Variants in LRP1B observed in about 807,000 individuals in gnomAD.
LRP1B encodes the protein low-density lipoprotein receptor-related protein 1B.
A neutral mutation model predicts 556.6 loss-of-function variants in LRP1B; 217 were observed. The ratio of observed to expected loss-of-function variants is 0.39; its 90% CI spans 0.35 to 0.44. The LOEUF (loss-of-function observed/expected upper bound fraction) is 0.44. Among genes scored for constraint, LRP1B ranks in the 20% least tolerant of loss-of-function variants. LRP1B has a pLI of 1.00. For missense variants in LRP1B, 5,053 were observed against 5,620.8 expected, an observed-to-expected ratio of 0.90 and a Z score of 3.23; for synonymous variants, 2,047 against 1,865.8, an observed-to-expected ratio of 1.10 and a Z score of -2.50.
At chr2:141,694,143 A>C (rs529478592) in intron 2 of LRP1B, among the ~76,000 whole-genome samples, 20 of 151,786 alleles carry the variant, frequency 1.3e-4, no homozygotes, top group East Asian at 3.9e-4. Flanking sequence ...CTCTCCCTCT[A>C]CCTCTACCTC....
chr2:140,286,627 T>C (rs1333052120), intron 84 of LRP1B, among the ~76,000 whole-genome samples: 1 of 151,868 alleles, frequency 6.6e-6, no homozygotes, highest in Non-Finnish European at 1.5e-5. Context: ...ATAAAACTAT[T>C]TTCGTCAGTG....
At chr2:141,963,592 T>A (rs1318073596) in intron 1 of LRP1B, among the ~76,000 whole-genome samples, 2 of 151,696 alleles carry the variant, frequency 1.3e-5, no homozygotes, top group African/African-American at 2.4e-5. Flanking sequence ...TGGGTCGTAT[T>A]TCAAAATAAT....
At chr2:141,146,918 T>C (rs949862888) in intron 7 of LRP1B, among the ~76,000 whole-genome samples, 4 of 152,152 alleles carry the variant, frequency 2.6e-5, no homozygotes, top group African/African-American at 9.7e-5. Flanking sequence ...CCACCACTGT[T>C]ACAAGAAAGA....
intron 2 of LRP1B, among the ~76,000 whole-genome samples, chr2:141,712,836 ATTTTTTT>A (rs1192189235): frequency 2.9e-5 from 3 of 103,366 alleles, no homozygotes; most frequent in Non-Finnish European, 5.6e-5. Flanking sequence ...TGCCCAGCTA[ATTTTTTT>A]TTTTTTTTTT....
chr2:140,716,844 C>T (rs113481978), intron 35 of LRP1B, 28 bp from the exon 36 acceptor site: 3 of 1,383,096 alleles, frequency 2.2e-6, no homozygotes, highest in Non-Finnish European at 3.0e-6. Flanking sequence ...AAAAAAAATA[C>T]ATATACACAC....
At chr2:141,929,922 A>C (rs1342204911) in intron 1 of LRP1B, among the ~76,000 whole-genome samples, 5 of 150,400 alleles carry the variant, frequency 3.3e-5, no homozygotes, top group African/African-American at 1.2e-4. Context: ...CAAAAAAAAA[A>C]AAAAAAAAAA....
intron 72 of LRP1B, among the ~76,000 whole-genome samples, chr2:140,363,343 C>T (rs1389253068): frequency 6.6e-6 from 1 of 151,470 alleles, no homozygotes; most frequent in East Asian, 1.9e-4. Context: ...GTGGAATGCT[C>T]CTGAGAATCA....
At chr2:140,327,451 A>G (rs1222787722) in intron 79 of LRP1B, among the ~76,000 whole-genome samples, 1 of 152,124 alleles carries the variant, frequency 6.6e-6, no homozygotes, top group Admixed American at 6.6e-5. Flanking sequence ...CAATTATTAA[A>G]TCGCTATTTG....
At chr2:140,730,070 A>T (rs1250010715) in intron 35 of LRP1B, among the ~76,000 whole-genome samples, 1 of 152,142 alleles carries the variant, frequency 6.6e-6, no homozygotes, top group Non-Finnish European at 1.5e-5. Flanking sequence ...AACCACATCC[A>T]ATCAATCAGC....
At chr2:140,291,312 A>ATTTTTTT (rs1277678661) in intron 84 of LRP1B, among the ~76,000 whole-genome samples, 2 of 63,426 alleles carry the variant, frequency 3.2e-5, no homozygotes, top group African/African-American at 1.1e-4. Context: ...ATATATATAT[A>ATTTTTTT]TATATATTTT....
intron 41 of LRP1B, among the ~76,000 whole-genome samples, chr2:140,623,646 C>T (rs1022143934): frequency 1.1e-4 from 17 of 151,968 alleles, no homozygotes; most frequent in East Asian, 1.9e-4. Flanking sequence ...TGGCCTAGCA[C>T]GGTGGCTTAC....
At chr2:141,392,817 A>G (rs1020866480) in intron 3 of LRP1B, among the ~76,000 whole-genome samples, 12 of 152,178 alleles carry the variant, frequency 7.9e-5, no homozygotes, top group Non-Finnish European at 1.5e-4. Context: ...CATGTATCCT[A>G]TATGAATGCC....
At chr2:140,300,293 C>G (rs578082203) in intron 83 of LRP1B, among the ~76,000 whole-genome samples, 1 of 152,194 alleles carries the variant, frequency 6.6e-6, no homozygotes, top group South Asian at 2.1e-4. Context: ...TACAGCTGAT[C>G]TTTTGTTTTC....
rs115946847 is a variant in LRP1B, at chr2:140,835,251, G to A, written c.5209+4740C>T. On this transcript the variant is annotated intron_variant, in intron 31 of 90. Coordinates refer to ENST00000389484, the MANE Select transcript of LRP1B (RefSeq NM_018557.3). The stretch of plus-strand genomic sequence containing the variant: ...CACAGACGTAAGAGCTTCATCTGAG[G>A]TCTTCTTATCTGCATTATCTGGAGA... Among the ~76,000 whole-genome samples, 169 of 152,308 alleles carry A rather than the reference G, an allele frequency of 1.1e-3. 1 individual carries two copies. Among genetic ancestry groups the A allele is most frequent in the South Asian group, 0.011 (51 of 4,820 alleles).
chr2:141,623,997 C>A (rs1487119579), intron 2 of LRP1B, among the ~76,000 whole-genome samples: 1 of 84,900 alleles, frequency 1.2e-5, no homozygotes, highest in African/African-American at 4.7e-5. Context: ...TTCTGGGCAA[C>A]AGAGCAGAAC....
At position 140,801,630 on chromosome 2, in the gene LRP1B, T is replaced by C. The variant is rs549778251; in HGVS notation, c.5359+12027A>G. Among the ~76,000 whole-genome samples, 7 of 152,046 alleles carry C rather than the reference T, an allele frequency of 4.6e-5. No homozygotes were observed. In the East Asian group the frequency reaches 1.4e-3, roughly 29 times the overall value. ...AATGTGAGACTAATAATGCTAATAA[T>C]GCTTTGGATTTTAACAAATCTTATT... On this transcript the variant is annotated intron_variant, in intron 32 of 90. Transcript: ENST00000389484.
chr2:140,582,326 C>G (rs1681801874), intron 43 of LRP1B, among the ~76,000 whole-genome samples: 1 of 151,906 alleles, frequency 6.6e-6, no homozygotes, highest in African/African-American at 2.4e-5. Context: ...GTAAAAGCCC[C>G]CTAAGGGATG....
At chr2:140,637,985 C>A (rs1010409839) in intron 41 of LRP1B, among the ~76,000 whole-genome samples, 46 of 152,044 alleles carry the variant, frequency 3.0e-4, no homozygotes, top group Admixed American at 9.2e-4. Context: ...TAAATGCAAC[C>A]AAAAAGATAC....
At position 140,598,682 on chromosome 2, in the gene LRP1B, A is replaced by G. The variant is rs2105188606; in HGVS notation, c.7143T>C (p.Asp2381=). Residue 2381 remains aspartate (D), a synonymous_variant, in exon 43 of 91, where the codon GAT becomes GAC. Transcript: ENST00000389484. The stretch of plus-strand genomic sequence containing the variant: ...ACCTTTCAATTTTTCCTAGACTGCC[A>G]TCTGAGAAATACAGCTTCTCTGCAC... ...DYRAEKLYFS[D]GSLGKIERCE... 1.2e-6 allele frequency: 2 copies of G among 1,613,786 alleles called. No homozygotes were observed. The highest frequency in any genetic ancestry group is 1.1e-5 in the South Asian group (1 of 91,082).
Sources: allele counts gnomAD v4.1 joint callset (sites outside exome capture counted in the v4.1 genomes callset), GRCh38; gene constraint gnomAD v4.1.1; transcripts MANE v1.5; gene names NCBI Gene and HGNC (gene_info 2026-07-23, HGNC 2026-07-21).